Variants in TRAPPC9 observed in about 807,000 individuals in gnomAD.
TRAPPC9 encodes trafficking protein particle complex subunit 9, also known as IKK2 binding protein.
Under a neutral mutation model 124.0 loss-of-function variants are expected in TRAPPC9, and 83 were observed. That is an observed-to-expected ratio of 0.67 (90% CI 0.56 to 0.80). TRAPPC9 has a LOEUF of 0.80. TRAPPC9 is among the 30% of genes least tolerant of loss of function. The pLI is 0.00. For synonymous variants in TRAPPC9, 638 were observed against 617.5 expected, an observed-to-expected ratio of 1.03 and a Z score of -0.49; for missense variants, 1,302 against 1,508.3, an observed-to-expected ratio of 0.86 and a Z score of 2.27.
intron 8 of TRAPPC9, among the ~76,000 whole-genome samples, chr8:140,369,606 C>G (rs1255096962): frequency 1.3e-5 from 2 of 152,104 alleles, no homozygotes; most frequent in African/African-American, 4.8e-5. Context: ...AAGCCATGAG[C>G]ACCTTCAGTC....
At chr8:140,105,992 G>C (rs1302838251) in intron 17 of TRAPPC9, among the ~76,000 whole-genome samples, 1 of 148,332 alleles carries the variant, frequency 6.7e-6, no homozygotes, top group Non-Finnish European at 1.5e-5. Context: ...CCTATCCAAA[G>C]AGCTAAATCA....
intron 21 of TRAPPC9, among the ~76,000 whole-genome samples, chr8:139,883,262 G>T (rs1482726537): frequency 6.6e-6 from 1 of 152,244 alleles, no homozygotes; most frequent in South Asian, 2.1e-4. Flanking sequence ...CAGCAAGAGG[G>T]CCCTCGCCAG....
At chr8:140,343,460 T>C (rs1393130418) in intron 9 of TRAPPC9, among the ~76,000 whole-genome samples, 1 of 152,220 alleles carries the variant, frequency 6.6e-6, no homozygotes, top group African/African-American at 2.4e-5. Context: ...TGAATCTGAC[T>C]TGGGAAATAC....
intron 6 of TRAPPC9, among the ~76,000 whole-genome samples, chr8:140,403,511 G>T (rs142392150): frequency 6.6e-6 from 1 of 152,068 alleles, no homozygotes; most frequent in African/African-American, 2.4e-5. Context: ...TTCCCAAAGT[G>T]CTGGGATTAC....
chr8:139,834,455 G>C (rs932528834), intron 21 of TRAPPC9, among the ~76,000 whole-genome samples: 1 of 152,216 alleles, frequency 6.6e-6, no homozygotes, highest in Non-Finnish European at 1.5e-5. Flanking sequence ...AGACAGAGCT[G>C]GCTTTCTGAG....
intron 21 of TRAPPC9, among the ~76,000 whole-genome samples, chr8:139,881,738 G>A (rs1016721517): frequency 8.7e-5 from 13 of 149,844 alleles, no homozygotes; most frequent in Admixed American, 4.6e-4. Flanking sequence ...CCATGCAAAC[G>A]AGACCTTAAA....
At position 140,241,770 on chromosome 8, in the gene TRAPPC9, C is replaced by G. The variant is rs1258258716; in HGVS notation, c.2431+11007G>C. On this transcript the variant is annotated intron_variant, in intron 16 of 22. Coordinates refer to ENST00000438773, the MANE Select transcript of TRAPPC9 (RefSeq NM_001160372.4). This position sits in a 1 kb window ranked among gnomAD's most constrained non-coding sequence, Gnocchi z 5.0. ...TTCAGAAAGCAACACCAGATCCTCA[C>G]AGCCAGACAGCTCTCCCGTCTCTGA... Among the ~76,000 whole-genome samples, 6 of 152,214 alleles carry G rather than the reference C, an allele frequency of 3.9e-5. No individual in the cohort carries two copies. The highest frequency in any genetic ancestry group is 1.4e-4 in the African/African-American group (6 of 41,458).
intron 17 of TRAPPC9, among the ~76,000 whole-genome samples, chr8:140,107,607 T>A (rs1217888626): frequency 6.6e-6 from 1 of 152,046 alleles, no homozygotes; most frequent in African/African-American, 2.4e-5. Context: ...CACCTGAGAA[T>A]GGAGGAGGAG....
chr8:139,909,167 G>A (rs1253720278), intron 20 of TRAPPC9, among the ~76,000 whole-genome samples: 1 of 152,162 alleles, frequency 6.6e-6, no homozygotes, highest in Non-Finnish European at 1.5e-5. Flanking sequence ...AGCAACGTGT[G>A]TATCCCCATA....
chr8:140,287,308 T>G (rs1487469244), intron 13 of TRAPPC9, among the ~76,000 whole-genome samples: 1 of 151,846 alleles, frequency 6.6e-6, no homozygotes, highest in Non-Finnish European at 1.5e-5. Context: ...TCTGAGGAGT[T>G]CCAGCAAGAA....
chr8:139,808,454 C>T (rs1055554407), intron 21 of TRAPPC9, among the ~76,000 whole-genome samples: 2 of 152,288 alleles, frequency 1.3e-5, no homozygotes, highest in South Asian at 4.2e-4. Flanking sequence ...GCGCAAGACT[C>T]CATTTCAAAA....
chr8:140,373,000 C>T (rs1393037656), intron 7 of TRAPPC9, among the ~76,000 whole-genome samples: 4 of 152,236 alleles, frequency 2.6e-5, no homozygotes, highest in Non-Finnish European at 4.4e-5. Flanking sequence ...CAGCCCCAAC[C>T]TGCTCTGGAA....
At chr8:139,821,697 A>G (rs892033355) in intron 21 of TRAPPC9, among the ~76,000 whole-genome samples, 1 of 152,224 alleles carries the variant, frequency 6.6e-6, no homozygotes, top group Non-Finnish European at 1.5e-5. Context: ...AATGTAATCA[A>G]TGTTTTTAAA....
intron 9 of TRAPPC9, among the ~76,000 whole-genome samples, chr8:140,312,038 G>A (rs1366538311): frequency 1.3e-5 from 2 of 152,218 alleles, no homozygotes; most frequent in South Asian, 2.1e-4. Context: ...CTAGGACTCA[G>A]GCTGGCTCAG....
chr8:140,008,095 T>C (rs1241656951), intron 18 of TRAPPC9, among the ~76,000 whole-genome samples: 3 of 152,114 alleles, frequency 2.0e-5, no homozygotes, highest in Non-Finnish European at 1.5e-5. Context: ...CTATAATATA[T>C]TAATAATAGG....
In TRAPPC9 at chr8:140,058,952, G is replaced by A. The variant is rs547464286; in HGVS notation, c.2557-34873C>T. Among the ~76,000 whole-genome samples the A allele has an allele frequency of 2.4e-4, 37 of 152,278 alleles. No individual in the cohort carries two copies. The South Asian group carries it at 7.7e-3, about 32-fold the overall frequency. ...CCTGGGAGGCTGGTTCTGCGTTGTT[G>A]CTGCTGCTGTTTTTAAATCCATCGT... On this transcript the variant is annotated intron_variant, in intron 17 of 22. Transcript: ENST00000438773.
rs1563762582 is a variant in TRAPPC9, at chr8:140,101,543, T to TC, written c.2557-77465_2557-77464insG. On this transcript the variant is annotated intron_variant, in intron 17 of 22. Coordinates refer to ENST00000438773, the MANE Select transcript of TRAPPC9 (RefSeq NM_001160372.4). ...TTTTGTAGGGTTTTCTTTTTTTTGT[T>TC]TTTTTTTTTTTTTTTTGAGACGTAG... Among the ~76,000 whole-genome samples the TC allele has an allele frequency of 1.9e-4, 26 of 135,986 alleles. No individual in the cohort carries two copies. In the South Asian group the frequency reaches 2.0e-3, roughly 10 times the overall value. The allele number at this position is 135,986 out of a possible 152,430, so 89.2% of individuals were successfully genotyped here.
intron 8 of TRAPPC9, among the ~76,000 whole-genome samples, chr8:140,362,904 G>C (rs1473507089): frequency 6.6e-6 from 1 of 152,202 alleles, no homozygotes; most frequent in Non-Finnish European, 1.5e-5. Context: ...GGGCGATTAT[G>C]AGTAAGACCG....
chr8:140,132,671 G>C (rs2061229095), intron 17 of TRAPPC9, among the ~76,000 whole-genome samples: 1 of 152,188 alleles, frequency 6.6e-6, no homozygotes. Context: ...CCTCGGTCTA[G>C]TGGGCAAGAG....
Sources: allele counts gnomAD v4.1 joint callset (sites outside exome capture counted in the v4.1 genomes callset), GRCh38; gene constraint gnomAD v4.1.1; non-coding constraint Gnocchi (gnomAD v3.1); transcripts MANE v1.5; gene names NCBI Gene and HGNC (gene_info 2026-07-23, HGNC 2026-07-21).